Variants in ANTXR1 observed in about 807,000 individuals in gnomAD.
The protein encoded by ANTXR1 is ANTXR cell adhesion molecule 1.
Under a neutral mutation model 78.1 loss-of-function variants are expected in ANTXR1, and 19 were observed. That is an observed-to-expected ratio of 0.24 (90% CI 0.17 to 0.36). The LOEUF is 0.36. ANTXR1 is among the 10% of genes least tolerant of loss of function. The pLI is 1.00. For synonymous variants in ANTXR1, 273 were observed against 260.5 expected (o/e 1.05, Z -0.46); for missense variants, 518 against 718.6 (o/e 0.72, Z 3.19).
chr2:69,177,429 A>G (rs944289473), intron 14 of ANTXR1, among the ~76,000 whole-genome samples: 1 of 152,212 alleles, frequency 6.6e-6, no homozygotes, highest in Non-Finnish European at 1.5e-5. Context: ...TCTTCCTCGA[A>G]CAGCACTGTG....
intron 17 of ANTXR1, among the ~76,000 whole-genome samples, chr2:69,224,641 G>T (rs1675398256): frequency 6.6e-6 from 1 of 152,022 alleles, no homozygotes; most frequent in Non-Finnish European, 1.5e-5. Flanking sequence ...TAAAGGATTG[G>T]CAGACACTCT....
At chr2:69,111,395 A>G (rs1671973047) in intron 10 of ANTXR1, among the ~76,000 whole-genome samples, 1 of 152,206 alleles carries the variant, frequency 6.6e-6, no homozygotes, top group Admixed American at 6.5e-5. Context: ...TTAAAAATGG[A>G]TGTTTTACTA....
intron 1 of ANTXR1, among the ~76,000 whole-genome samples, chr2:69,039,390 T>C (rs752930253): frequency 1.1e-4 from 17 of 152,242 alleles, no homozygotes; most frequent in Non-Finnish European, 1.9e-4. Context: ...TTCCTTCTTT[T>C]GTCACTAAGA....
rs10210020 is a variant in ANTXR1 at position 69,177,319 on chromosome 2, T to A, written c.1090-4467T>A. Among the ~76,000 whole-genome samples, 1,050 of 152,244 alleles carry A rather than the reference T, an allele frequency of 6.9e-3. 12 individuals carry two copies. Among genetic ancestry groups the A allele is most frequent in the African/African-American group, 0.024 (993 of 41,536 alleles). ...GAGCTGCACAAAAGCCTGGCATGAT[T>A]GGGAAAGATGGGAAAAGTTCAGGGT... is the stretch of plus-strand genomic sequence containing the variant. On this transcript the variant is annotated intron_variant, in intron 14 of 17. Coordinates refer to ENST00000303714, the MANE Select transcript of ANTXR1 (RefSeq NM_032208.3).
intron 12 of ANTXR1, among the ~76,000 whole-genome samples, chr2:69,137,967 T>G (rs1672962523): frequency 1.3e-5 from 2 of 150,374 alleles, no homozygotes; most frequent in Admixed American, 1.3e-4. Context: ...ACCTGTAATC[T>G]CAGCTACTCA....
At chr2:69,068,443 G>T (rs924288044) in intron 3 of ANTXR1, among the ~76,000 whole-genome samples, 1 of 152,212 alleles carries the variant, frequency 6.6e-6, no homozygotes, top group Non-Finnish European at 1.5e-5. Context: ...GGGACTGAAG[G>T]CTGGATAAGA....
chr2:69,165,760 CT>C (rs1198136656), intron 13 of ANTXR1, among the ~76,000 whole-genome samples: 1 of 152,230 alleles, frequency 6.6e-6, no homozygotes, highest in Non-Finnish European at 1.5e-5. Flanking sequence ...CTTTCTTCCA[CT>C]GCACAAGACT....
chr2:69,072,999 C>T, intron 5 of ANTXR1, 23 bp from the exon 6 acceptor site: 1 of 1,611,348 alleles, frequency 6.2e-7, no homozygotes, highest in Middle Eastern at 1.7e-4. Context: ...GTGGACTGAG[C>T]CAGTCTGTAT....
intron 16 of ANTXR1, among the ~76,000 whole-genome samples, chr2:69,187,430 A>T (rs1674445672): frequency 6.6e-6 from 1 of 152,054 alleles, no homozygotes; most frequent in African/African-American, 2.4e-5. Context: ...AAGAAGAAAA[A>T]AAAAAGCGCA....
At chr2:69,178,905 TC>T (rs1446918118) in intron 14 of ANTXR1, among the ~76,000 whole-genome samples, 2 of 152,008 alleles carry the variant, frequency 1.3e-5, no homozygotes, top group Non-Finnish European at 2.9e-5. Context: ...CCTAGTTGAG[TC>T]CCCTGTGGAA....
rs550201723 is a variant in ANTXR1, at chr2:69,147,310, T to C, written c.952-4859T>C. ...TACTATTTACTAAATAATGCAGATG[T>C]GCATCTACTTCTATTCTAATATTGA... On this transcript the variant is annotated intron_variant, in intron 12 of 17. Transcript: ENST00000303714. Among the ~76,000 whole-genome samples the C allele has an allele frequency of 4.6e-5, 7 of 152,386 alleles. No individual in the cohort carries two copies. The South Asian group carries it at 1.4e-3, about 32-fold the overall frequency.
At chr2:69,205,141 C>T (rs1437920952) in intron 17 of ANTXR1, among the ~76,000 whole-genome samples, 1 of 152,116 alleles carries the variant, frequency 6.6e-6, no homozygotes, top group African/African-American at 2.4e-5. Flanking sequence ...GTTTGGAGTT[C>T]TCTGGGAGCA....
At chr2:69,182,432 T>G in intron 15 of ANTXR1, 61 bp from the exon 16 acceptor site, 2 of 1,589,550 alleles carry the variant, frequency 1.3e-6, no homozygotes, top group East Asian at 2.3e-5. Context: ...TATTTGTCAT[T>G]CTCATTCTCG....
intron 1 of ANTXR1, among the ~76,000 whole-genome samples, chr2:69,022,270 T>A (rs1671213021): frequency 6.6e-6 from 1 of 152,194 alleles, no homozygotes; most frequent in South Asian, 2.1e-4. Context: ...TCAATGAGGG[T>A]GCTGTTAGCA....
intron 10 of ANTXR1, among the ~76,000 whole-genome samples, chr2:69,113,327 G>A (rs926481248): frequency 6.6e-6 from 1 of 152,156 alleles, no homozygotes; most frequent in African/African-American, 2.4e-5. Context: ...CATTTCAGTA[G>A]GATGATGGAA....
At chr2:69,020,904 A>G (rs1016498355) in intron 1 of ANTXR1, among the ~76,000 whole-genome samples, 1 of 152,218 alleles carries the variant, frequency 6.6e-6, no homozygotes, top group Non-Finnish European at 1.5e-5. Flanking sequence ...GGATGAAACA[A>G]TGCCTATTGC....
chr2:69,240,409 C>T (rs554212952), intron 17 of ANTXR1, among the ~76,000 whole-genome samples: 59 of 152,320 alleles, frequency 3.9e-4, no homozygotes, highest in African/African-American at 1.4e-3. Context: ...TAGGGTGGAC[C>T]AAGCTGGACA....
intron 1 of ANTXR1, among the ~76,000 whole-genome samples, chr2:69,030,222 GA>G (rs1451236631): frequency 6.6e-6 from 1 of 152,140 alleles, no homozygotes; most frequent in African/African-American, 2.4e-5. Flanking sequence ...CTCTGTGAAG[GA>G]GTCCTTCGAT....
At chr2:69,235,964 G>A (rs1305229505) in intron 17 of ANTXR1, among the ~76,000 whole-genome samples, 1 of 152,248 alleles carries the variant, frequency 6.6e-6, no homozygotes, top group South Asian at 2.1e-4. Context: ...CTTACATGGC[G>A]ACAGGTGAGA....
Sources: allele counts gnomAD v4.1 joint callset (sites outside exome capture counted in the v4.1 genomes callset), GRCh38; gene constraint gnomAD v4.1.1; transcripts MANE v1.5; gene names NCBI Gene and HGNC (gene_info 2026-07-23, HGNC 2026-07-21).